Variants in RBFOX1 observed in about 807,000 individuals in gnomAD.
The protein encoded by RBFOX1 is RNA binding fox-1 homolog 1, also known as RNA binding protein fox-1 homolog 1.
A neutral mutation model predicts 57.7 loss-of-function variants in RBFOX1; 8 were observed. The observed-to-expected ratio is 0.14, with a 90% CI of 0.08 to 0.25. The LOEUF is 0.25. Among genes scored for constraint, RBFOX1 ranks in the 10% least tolerant of loss-of-function variants. RBFOX1 has a pLI of 1.00. For synonymous variants in RBFOX1, 326 were observed against 222.4 expected (o/e 1.47, Z -4.15); for missense variants, 611 against 548.5 (o/e 1.11, Z -1.14).
chr16:6,686,673 A>T (rs1053512683), intron 3 of RBFOX1, among the ~76,000 whole-genome samples: 1 of 151,974 alleles, frequency 6.6e-6, no homozygotes, highest in African/African-American at 2.4e-5. Context: ...AAAGGTAAGC[A>T]TTTTCTTCTT....
chr16:6,695,979 A>C (rs1170755550), intron 3 of RBFOX1, among the ~76,000 whole-genome samples: 4 of 152,220 alleles, frequency 2.6e-5, no homozygotes, highest in Non-Finnish European at 5.9e-5. Context: ...AGAGATGTAC[A>C]GACATACACA....
At position 5,982,123 on chromosome 16, in the gene RBFOX1, A is replaced by C. The variant is rs1471182971; in HGVS notation, c.351+114788A>C. 3.9e-5 allele frequency among the ~76,000 whole-genome samples: 6 copies of C among 152,280 alleles called. No homozygotes were observed. The East Asian group carries it at 1.2e-3, about 29-fold the overall frequency. On this transcript the variant is annotated intron_variant, in intron 4 of 19. Transcript: ENST00000641259. ...GCCAGAAGCCTTATAATGGCCTGTCAGCTTCTGTGGCATGTGGTCCCATTG... is the reference window on the plus strand; with the variant it reads ...GCCAGAAGCCTTATAATGGCCTGTCCGCTTCTGTGGCATGTGGTCCCATTG...
intron 4 of RBFOX1, among the ~76,000 whole-genome samples, chr16:5,891,657 G>C (rs1443924782): frequency 6.6e-6 from 1 of 152,112 alleles, no homozygotes; most frequent in Middle Eastern, 3.2e-3. Flanking sequence ...TCTGGGTCCT[G>C]GCCATGTGCC....
intron 1 of RBFOX1, among the ~76,000 whole-genome samples, chr16:5,457,110 A>G (rs1285688388): frequency 6.6e-6 from 1 of 152,054 alleles, no homozygotes; most frequent in Non-Finnish European, 1.5e-5. Context: ...GTGTCCTCAC[A>G]TGGTGGGGAG....
intron 3 of RBFOX1, among the ~76,000 whole-genome samples, chr16:6,720,822 T>C (rs1160215552): frequency 2.0e-5 from 3 of 152,206 alleles, no homozygotes; most frequent in African/African-American, 4.8e-5. Context: ...AGGATGTTGC[T>C]GAAGTGTATC....
chr16:7,556,015 C>T (rs923313582), intron 5 of RBFOX1, among the ~76,000 whole-genome samples: 1 of 147,996 alleles, frequency 6.8e-6, no homozygotes, highest in African/African-American at 2.6e-5. Flanking sequence ...ATACTTAGTG[C>T]TTAATGGATA....
Position 7,345,719 on chromosome 16 carries a change from G to T in RBFOX1, c.28-172428G>T, listed in dbSNP as rs1038449931. Among the ~76,000 whole-genome samples, 28 of 152,202 alleles carry T rather than the reference G, an allele frequency of 1.8e-4. 1 individual carries two copies. Among genetic ancestry groups the T allele is most frequent in the African/African-American group, 6.8e-4 (28 of 41,454 alleles). On this transcript the variant is annotated intron_variant, in intron 4 of 15. Transcript: ENST00000550418. ...GGATAAAAAGCCTTTCATTACTGAGGATAATGCAGAGCATATGGGATTCTT... is the reference window on the plus strand; with the variant it reads ...GGATAAAAAGCCTTTCATTACTGAGTATAATGCAGAGCATATGGGATTCTT...
intron 3 of RBFOX1, among the ~76,000 whole-genome samples, chr16:6,830,913 A>G (rs577708956): frequency 6.6e-6 from 1 of 152,318 alleles, no homozygotes; most frequent in African/African-American, 2.4e-5. Context: ...GCAACCAGGT[A>G]GAATTGGTCA....
chr16:6,439,868 G>A (rs965026026), intron 2 of RBFOX1, among the ~76,000 whole-genome samples: 3 of 152,044 alleles, frequency 2.0e-5, no homozygotes, highest in African/African-American at 4.8e-5. Context: ...GCAGAAAGCT[G>A]GGCCAATTTG....
intron 2 of RBFOX1, among the ~76,000 whole-genome samples, chr16:5,597,694 C>A (rs1484120029): frequency 2.6e-5 from 4 of 152,132 alleles, no homozygotes; most frequent in Non-Finnish European, 5.9e-5. Flanking sequence ...GAGCTTTAGG[C>A]ATTGCTGACA....
chr16:6,160,283 T>C (rs151101100), intron 1 of RBFOX1, among the ~76,000 whole-genome samples: 4 of 152,306 alleles, frequency 2.6e-5, no homozygotes, highest in African/African-American at 9.6e-5. Flanking sequence ...ATGTGTATAT[T>C]TGAGGTGTAT....
intron 13 of RBFOX1, among the ~76,000 whole-genome samples, chr16:7,665,435 A>G (rs1213142473): frequency 1.3e-5 from 2 of 152,196 alleles, no homozygotes; most frequent in Admixed American, 6.5e-5. Context: ...CTCTCTAGAC[A>G]TGGACAAGTT....
At chr16:7,176,051 C>G (rs75289943) in intron 4 of RBFOX1, among the ~76,000 whole-genome samples, 2,040 of 151,764 alleles carry the variant, frequency 0.013, 52 homozygotes, top group African/African-American at 0.047. Context: ...CAAGATGGAC[C>G]TCAGCCAATA....
chr16:7,269,723 A>G (rs1253573344), intron 4 of RBFOX1, among the ~76,000 whole-genome samples: 3 of 152,186 alleles, frequency 2.0e-5, no homozygotes, highest in Non-Finnish European at 4.4e-5. Flanking sequence ...GAATTTTCTT[A>G]TACTCAAGTC....
chr16:5,889,088 C>T (rs1322868152), intron 4 of RBFOX1, among the ~76,000 whole-genome samples: 1 of 152,148 alleles, frequency 6.6e-6, no homozygotes, highest in Non-Finnish European at 1.5e-5. Flanking sequence ...AAAATTTTAT[C>T]TTATTTTTCT....
chr16:7,518,519 A>G, intron 5 of RBFOX1, 130 bp downstream of exon 5: 3 of 1,213,328 alleles, frequency 2.5e-6, no homozygotes, highest in Non-Finnish European at 3.3e-6. Context: ...GCCCACCCTC[A>G]TCATACCAGC....
chr16:5,667,060 C>T (rs1357516530), intron 3 of RBFOX1, among the ~76,000 whole-genome samples: 4 of 152,248 alleles, frequency 2.6e-5, no homozygotes, highest in East Asian at 1.9e-4. Flanking sequence ...CCTGTTCTGC[C>T]GTCTACCTTC....
rs547475190 is a variant in RBFOX1, at chr16:5,541,362, G to C, written c.259-57540G>C. The stretch of plus-strand genomic sequence containing the variant: ...ACACGCCCATGACACTGCCTCAGGA[G>C]GTCTTCATGACATGTGCCCAAGGTA... On this transcript the variant is annotated intron_variant, in intron 2 of 2. Coordinates refer to the RBFOX1 transcript ENST00000585867. Among the ~76,000 whole-genome samples, 10 of 152,162 alleles carry C rather than the reference G, an allele frequency of 6.6e-5. No individual in the cohort carries two copies. The South Asian group carries it at 2.1e-3, about 32-fold the overall frequency.
At chr16:7,307,948 A>C (rs2096230256) in intron 4 of RBFOX1, among the ~76,000 whole-genome samples, 1 of 152,202 alleles carries the variant, frequency 6.6e-6, no homozygotes, top group South Asian at 2.1e-4. Flanking sequence ...CTTAGAACTC[A>C]CATATCCCCA....
Sources: allele counts gnomAD v4.1 joint callset (sites outside exome capture counted in the v4.1 genomes callset), GRCh38; gene constraint gnomAD v4.1.1; transcripts MANE v1.5; gene names NCBI Gene and HGNC (gene_info 2026-07-23, HGNC 2026-07-21).